The following SCOC variants were observed in gnomAD, a reference collection of about 807,000 sequenced individuals.
The protein encoded by SCOC is short coiled-coil protein.
A neutral mutation model predicts 9.9 loss-of-function variants in SCOC; 7 were observed. That is an observed-to-expected ratio of 0.71 (90% CI 0.40 to 1.33). SCOC has a LOEUF of 1.33. Ranked by LOEUF, SCOC falls within the 40% of genes most tolerant of loss-of-function variation. SCOC has a pLI of 0.01. For synonymous variants in SCOC, 19 were observed against 28.2 expected (o/e 0.67, Z 1.03); for missense variants, 66 against 89.7 (o/e 0.74, Z 1.07).
intron 1 of SCOC, among the ~76,000 whole-genome samples, chr4:140,265,230 A>G (rs1384295893): frequency 6.6e-6 from 1 of 152,200 alleles, no homozygotes; most frequent in East Asian, 1.9e-4. Flanking sequence ...AGCTCAGCAT[A>G]ATCATAATGG....
chr4:140,300,715 C>A (rs991413690), intron 1 of SCOC, among the ~76,000 whole-genome samples: 1 of 152,224 alleles, frequency 6.6e-6, no homozygotes, highest in Admixed American at 6.5e-5. Flanking sequence ...GAAAGGGAAT[C>A]CTTCTGAGAC....
intron 1 of SCOC, among the ~76,000 whole-genome samples, chr4:140,264,059 G>A (rs910287286): frequency 3.3e-5 from 5 of 152,128 alleles, no homozygotes; most frequent in African/African-American, 1.2e-4. Context: ...GAGTGCAGTG[G>A]TACAATCACT....
upstream of SCOC, among the ~76,000 whole-genome samples, chr4:140,341,236 C>G (rs1726502001): frequency 3.3e-5 from 5 of 152,056 alleles, no homozygotes; most frequent in African/African-American, 1.2e-4. Context: ...AAAACAAAAC[C>G]AAGTGTATGC....
chr4:140,322,038 C>G (rs537577868), intron 1 of SCOC, among the ~76,000 whole-genome samples: 2 of 152,286 alleles, frequency 1.3e-5, no homozygotes, highest in South Asian at 2.1e-4. Context: ...GCATCTGGCT[C>G]ACCAGATGCT....
chr4:140,346,935 C>T (rs1726765323), intron 2 of SCOC, among the ~76,000 whole-genome samples: 1 of 152,138 alleles, frequency 6.6e-6, no homozygotes, highest in Non-Finnish European at 1.5e-5. Flanking sequence ...CTAGATTGAA[C>T]TATGTATCTT....
chr4:140,373,315 C>T (rs1315858600), upstream of SCOC: 52 of 1,392,722 alleles, frequency 3.7e-5, no homozygotes, highest in Non-Finnish European at 4.7e-5. Context: ...TCCTGATTTT[C>T]CACACTGGGA....
chr4:140,324,809 T>C (rs1179989389), intron 1 of SCOC, among the ~76,000 whole-genome samples: 1 of 152,058 alleles, frequency 6.6e-6, no homozygotes, highest in African/African-American at 2.4e-5. Context: ...CAGTAAGCTT[T>C]TTATAGATGA....
chr4:140,327,058 C>T (rs1041932076), intron 1 of SCOC, among the ~76,000 whole-genome samples: 2 of 152,324 alleles, frequency 1.3e-5, no homozygotes, highest in Admixed American at 6.5e-5. Context: ...TCACTTCCTA[C>T]ATCAGCACCA....
intron 1 of SCOC, among the ~76,000 whole-genome samples, chr4:140,303,982 GGACATTCAAAGTT>G (rs1381386198): frequency 2.6e-5 from 4 of 152,122 alleles, no homozygotes; most frequent in Non-Finnish European, 5.9e-5. Context: ...AGCCTCTTTG[GGACATTCAAAGTT>G]GATTAAGACA....
chr4:140,264,323 G>T (rs1730691050), intron 1 of SCOC, among the ~76,000 whole-genome samples: 1 of 152,138 alleles, frequency 6.6e-6, no homozygotes, highest in Non-Finnish European at 1.5e-5. Flanking sequence ...GTTAATGTGG[G>T]TTCTGGACTG....
chr4:140,383,011 A>C lies in SCOC; in HGVS notation c.*1907A>C, dbSNP rs994398657. 3 of 152,208 alleles carry C rather than the reference A, an allele frequency of 2.0e-5. No homozygotes were observed. The highest frequency in any genetic ancestry group is 2.0e-4 in the Admixed American group (3 of 15,278). The allele number at this position is 152,208 out of a possible 1,614,324, so 9.4% of individuals were successfully genotyped here. ...TTCAAGTCACTCTAGTTATTCTTCTAATTTGCAGAAAAAGAACATGGAAGT... is the reference window on the plus strand; with the variant it reads ...TTCAAGTCACTCTAGTTATTCTTCTCATTTGCAGAAAAAGAACATGGAAGT... On this transcript the variant is annotated 3_prime_UTR_variant, in exon 4 of 4. Coordinates refer to ENST00000608372, the MANE Select transcript of SCOC (RefSeq NM_001153484.2).
upstream of SCOC, among the ~76,000 whole-genome samples, chr4:140,340,138 A>C (rs1254537029): frequency 6.6e-6 from 1 of 152,220 alleles, no homozygotes; most frequent in Non-Finnish European, 1.5e-5. Flanking sequence ...TGATGAGTTC[A>C]TGTCCTTTGT....
At chr4:140,273,070 G>A (rs764900212) in intron 1 of SCOC, among the ~76,000 whole-genome samples, 7 of 152,136 alleles carry the variant, frequency 4.6e-5, no homozygotes, top group African/African-American at 1.2e-4. Context: ...TTTTATCGAC[G>A]TTCCCCAGGT....
intron 1 of SCOC, chr4:140,376,555 C>T (rs900087500): frequency 5.3e-5 from 8 of 152,184 alleles, no homozygotes; most frequent in Non-Finnish European, 1.0e-4. Flanking sequence ...TAGCACTGTT[C>T]TTGTGGCACT....
intron 2 of SCOC, among the ~76,000 whole-genome samples, chr4:140,356,747 C>T (rs947350171): frequency 5.9e-5 from 9 of 152,062 alleles, no homozygotes; most frequent in African/African-American, 1.4e-4. Context: ...CTCTTGATTA[C>T]GGGTGGTGTC....
At chr4:140,364,603 T>C (rs183729352) in intron 2 of SCOC, among the ~76,000 whole-genome samples, 89 of 152,294 alleles carry the variant, frequency 5.8e-4, no homozygotes, top group Admixed American at 4.6e-3. Flanking sequence ...ACTGCCCTTA[T>C]CTATAAAGCT....
chr4:140,309,920 A>G (rs1033801332), intron 1 of SCOC, among the ~76,000 whole-genome samples: 1 of 152,036 alleles, frequency 6.6e-6, no homozygotes, highest in African/African-American at 2.4e-5. Flanking sequence ...CTGTCTTGCT[A>G]TCCTTGCCAA....
At chr4:140,309,846 A>G (rs1014195245) in intron 1 of SCOC, among the ~76,000 whole-genome samples, 3 of 151,908 alleles carry the variant, frequency 2.0e-5, no homozygotes, top group Admixed American at 6.6e-5. Context: ...AGCTACTGAA[A>G]TTTCTCTTCT....
intron 1 of SCOC, among the ~76,000 whole-genome samples, chr4:140,264,538 T>C (rs1485018852): frequency 6.6e-6 from 1 of 152,112 alleles, no homozygotes; most frequent in Non-Finnish European, 1.5e-5. Context: ...GAGAAACACT[T>C]GAGAGAATGG....
Sources: allele counts gnomAD v4.1 joint callset (sites outside exome capture counted in the v4.1 genomes callset), GRCh38; gene constraint gnomAD v4.1.1; transcripts MANE v1.5; gene names NCBI Gene and HGNC (gene_info 2026-07-23, HGNC 2026-07-21).